Variants in KCTD16 observed in about 807,000 individuals in gnomAD.
KCTD16 encodes the protein potassium channel tetramerization domain containing 16.
In KCTD16, 13 loss-of-function variants were observed where a neutral mutation model predicts 33.2. That is an observed-to-expected ratio of 0.39 (90% CI 0.25 to 0.62). The LOEUF is 0.62. KCTD16 is among the 20% of genes least tolerant of loss of function. The pLI, the probability that KCTD16 is intolerant of heterozygous loss-of-function variation, is 0.50. For missense variants in KCTD16, 441 were observed against 525.1 expected, an observed-to-expected ratio of 0.84 and a Z score of 1.57; for synonymous variants, 197 against 195.3, an observed-to-expected ratio of 1.01 and a Z score of -0.07.
At chr5:144,341,646 A>G (rs831413) in intron 3 of KCTD16, among the ~76,000 whole-genome samples, 42,085 of 152,122 alleles carry the variant, frequency 0.28, 6,002 homozygotes, top group Non-Finnish European at 0.3. Flanking sequence ...CCATTTGCAC[A>G]AGTTCACCGA....
intron 3 of KCTD16, among the ~76,000 whole-genome samples, chr5:144,423,890 C>T (rs936116664): frequency 2.0e-5 from 3 of 152,030 alleles, no homozygotes; most frequent in Admixed American, 1.3e-4. Flanking sequence ...GAAGAATTGT[C>T]TTGGACCACA....
intron 3 of KCTD16, among the ~76,000 whole-genome samples, chr5:144,420,501 G>C (rs1753184972): frequency 2.6e-5 from 4 of 151,590 alleles, no homozygotes; most frequent in Non-Finnish European, 5.9e-5. Context: ...GGTCCAAAGT[G>C]ACTTATTTAA....
At chr5:144,259,566 C>T (rs909261187) in intron 3 of KCTD16, among the ~76,000 whole-genome samples, 4 of 152,142 alleles carry the variant, frequency 2.6e-5, no homozygotes, top group African/African-American at 9.7e-5. Flanking sequence ...TGTACTCAGA[C>T]GAGTGGCTAA....
At chr5:144,406,135 T>C (rs1752804521) in intron 3 of KCTD16, among the ~76,000 whole-genome samples, 1 of 152,190 alleles carries the variant, frequency 6.6e-6, no homozygotes, top group Non-Finnish European at 1.5e-5. Flanking sequence ...GAAGGACTTA[T>C]TTAGATAACC....
chr5:144,457,382 G>C (rs1281431696), intron 3 of KCTD16, among the ~76,000 whole-genome samples: 2 of 152,218 alleles, frequency 1.3e-5, no homozygotes, highest in Non-Finnish European at 2.9e-5. Flanking sequence ...AGGGGCACTG[G>C]AGTTAGGAAT....
chr5:144,301,847 T>C (rs1751452149), intron 3 of KCTD16, among the ~76,000 whole-genome samples: 1 of 152,252 alleles, frequency 6.6e-6, no homozygotes, highest in African/African-American at 2.4e-5. Context: ...TTAGGATTCA[T>C]GAAAGTGGAA....
intron 3 of KCTD16, among the ~76,000 whole-genome samples, chr5:144,470,376 T>G (rs568941860): frequency 1.3e-4 from 20 of 152,140 alleles, no homozygotes; most frequent in Non-Finnish European, 2.5e-4. Context: ...AGAAAAGATA[T>G]GGGGTGGTTA....
chr5:144,274,779 A>G (rs1431317610), intron 3 of KCTD16, among the ~76,000 whole-genome samples: 1 of 152,148 alleles, frequency 6.6e-6, no homozygotes, highest in Non-Finnish European at 1.5e-5. Flanking sequence ...GCTTAATGAC[A>G]TACTTCTCTA....
At chr5:144,302,878 C>T (rs1017985006) in intron 3 of KCTD16, among the ~76,000 whole-genome samples, 1 of 152,138 alleles carries the variant, frequency 6.6e-6, no homozygotes, top group Non-Finnish European at 1.5e-5. Flanking sequence ...CCTCATTGTT[C>T]TGTCTCTTTA....
intron 3 of KCTD16, among the ~76,000 whole-genome samples, chr5:144,303,224 T>C (rs1406831949): frequency 6.6e-6 from 1 of 152,196 alleles, no homozygotes; most frequent in Non-Finnish European, 1.5e-5. Context: ...AGTTAACTCA[T>C]GTTTTCTGCA....
At chr5:144,411,792 G>A (rs546575630) in intron 3 of KCTD16, among the ~76,000 whole-genome samples, 1 of 152,178 alleles carries the variant, frequency 6.6e-6, no homozygotes, top group Non-Finnish European at 1.5e-5. Context: ...CATCTGACAA[G>A]AGATTAATAA....
Position 144,478,316 on chromosome 5 carries a change from A to G in KCTD16, c.*4202A>G, listed in dbSNP as rs1183342001. On this transcript the variant is annotated 3_prime_UTR_variant, in exon 4 of 4. Coordinates refer to ENST00000512467, the MANE Select transcript of KCTD16 (RefSeq NM_020768.4). ...ATTGCCTTCATCATTCTGGTTTCAG[A>G]CGAAATGGTTATTGCTCTCTACCCC... 6.6e-6 allele frequency: 1 copy of G among 152,072 alleles called. No individual in the cohort carries two copies. The highest frequency in any genetic ancestry group is 1.5e-5 in the Non-Finnish European group (1 of 67,966). The allele number at this position is 152,072 out of a possible 1,614,324, so 9.4% of individuals were successfully genotyped here. A position where few individuals can be genotyped will look rare whatever the true frequency, so the allele number is the denominator to read the frequency against.
In KCTD16 at chr5:144,478,712, T is replaced by A. The variant is rs1170648809; in HGVS notation, c.*4598T>A. 1 of 152,028 alleles carries A rather than the reference T, an allele frequency of 6.6e-6. No individual in the cohort carries two copies. Among genetic ancestry groups the A allele is most frequent in the African/African-American group, 2.4e-5 (1 of 41,430 alleles). 9.4% of individuals were successfully genotyped at this position (152,028 alleles called of 1,614,324 possible). A position where few individuals can be genotyped will look rare whatever the true frequency, so the allele number is the denominator to read the frequency against. On this transcript the variant is annotated 3_prime_UTR_variant, in exon 4 of 4. Transcript: ENST00000512467. Reference sequence around the variant, plus strand: ...TAGGGAATATGCAGAGGCCAAGAGTTCCTTTACTCCTTAGAAGCACTTCCT... The same window carrying A: ...TAGGGAATATGCAGAGGCCAAGAGTACCTTTACTCCTTAGAAGCACTTCCT...
chr5:144,399,881 C>A (rs1370623721), intron 3 of KCTD16, among the ~76,000 whole-genome samples: 3 of 152,096 alleles, frequency 2.0e-5, no homozygotes, highest in Non-Finnish European at 4.4e-5. Flanking sequence ...TAAGGAGTTT[C>A]CGGTGCTAGA....
intron 3 of KCTD16, among the ~76,000 whole-genome samples, chr5:144,251,096 A>T (rs1305251067): frequency 6.6e-6 from 1 of 152,214 alleles, no homozygotes; most frequent in Non-Finnish European, 1.5e-5. Context: ...CAGTTTGGCC[A>T]GAGTTTGGGA....
chr5:144,320,397 G>A (rs1752040487), intron 3 of KCTD16, among the ~76,000 whole-genome samples: 1 of 152,144 alleles, frequency 6.6e-6, no homozygotes, highest in Non-Finnish European at 1.5e-5. Context: ...AGAAAGAAAA[G>A]CTCTTTGGGG....
chr5:144,430,670 T>C (rs1347464702), intron 3 of KCTD16, among the ~76,000 whole-genome samples: 1 of 152,190 alleles, frequency 6.6e-6, no homozygotes, highest in Non-Finnish European at 1.5e-5. Context: ...AGGTAACATG[T>C]TAAGCCATCA....
intron 3 of KCTD16, among the ~76,000 whole-genome samples, chr5:144,284,523 T>C (rs1352604243): frequency 6.6e-6 from 1 of 152,232 alleles, no homozygotes; most frequent in East Asian, 1.9e-4. Flanking sequence ...GTGAATATGC[T>C]GAGTTTTTGT....
intron 3 of KCTD16, among the ~76,000 whole-genome samples, chr5:144,261,870 G>A (rs939567214): frequency 1.2e-4 from 19 of 152,060 alleles, no homozygotes; most frequent in African/African-American, 4.3e-4. Flanking sequence ...CCCAAAAGCT[G>A]AATGAGGACA....
Sources: gnomAD v4.1 joint callset for allele counts (sites outside exome capture counted in the v4.1 genomes callset) on GRCh38, gnomAD v4.1.1 for gene constraint, MANE v1.5 for transcripts, NCBI Gene and HGNC (gene_info 2026-07-23, HGNC 2026-07-21) for gene names.